GPATCH2: variants seen among roughly 807,000 people sequenced by gnomAD.
The protein encoded by GPATCH2 is G patch domain-containing protein 2.
In GPATCH2, 51 loss-of-function variants were observed where a neutral mutation model predicts 58.0. That is an observed-to-expected ratio of 0.88 (90% CI 0.70 to 1.11). The LOEUF (loss-of-function observed/expected upper bound fraction) is 1.11, where lower values mean the gene tolerates loss of function less well. GPATCH2 is among the 50% of genes most tolerant of loss of function. GPATCH2 has a pLI of 0.00. For synonymous variants in GPATCH2, 222 were observed against 218.5 expected, an observed-to-expected ratio of 1.02 and a Z score of -0.14; for missense variants, 625 against 652.2, an observed-to-expected ratio of 0.96 and a Z score of 0.45.
intron 9 of GPATCH2, among the ~76,000 whole-genome samples, chr1:217,441,435 C>T (rs188164286): frequency 2.0e-5 from 3 of 152,124 alleles, no homozygotes; most frequent in Admixed American, 2.0e-4. Context: ...AGGACAAAGG[C>T]ATGGGCAAAG....
intron 5 of GPATCH2, among the ~76,000 whole-genome samples, chr1:217,562,699 G>A (rs1665987091): frequency 6.6e-6 from 1 of 151,974 alleles, no homozygotes; most frequent in Admixed American, 6.6e-5. Flanking sequence ...CAAACCACAG[G>A]GTTTGCTTAG....
chr1:217,497,919 T>A (rs1351917752), intron 7 of GPATCH2, among the ~76,000 whole-genome samples: 4 of 152,168 alleles, frequency 2.6e-5, no homozygotes, highest in Non-Finnish European at 4.4e-5. Flanking sequence ...TTTAAAAAAA[T>A]TCATCTAGAA....
intron 8 of GPATCH2, among the ~76,000 whole-genome samples, chr1:217,485,118 G>A (rs1169859006): frequency 6.6e-6 from 1 of 152,136 alleles, no homozygotes; most frequent in African/African-American, 2.4e-5. Flanking sequence ...AGGGAGTAAT[G>A]GGGTAAGACT....
At chr1:217,577,824 C>T (rs1238841669) in intron 5 of GPATCH2, among the ~76,000 whole-genome samples, 1 of 152,040 alleles carries the variant, frequency 6.6e-6, no homozygotes, top group Non-Finnish European at 1.5e-5. Flanking sequence ...CTCAGCTCAT[C>T]GCAACCTCCG....
intron 5 of GPATCH2, among the ~76,000 whole-genome samples, chr1:217,582,388 A>T (rs188703777): frequency 6.6e-6 from 1 of 152,300 alleles, no homozygotes; most frequent in East Asian, 1.9e-4. Flanking sequence ...TAAAGTCATC[A>T]TAACAGCATG....
At chr1:217,454,349 G>C (rs754673238) in intron 8 of GPATCH2, among the ~76,000 whole-genome samples, 7 of 151,954 alleles carry the variant, frequency 4.6e-5, no homozygotes, top group Non-Finnish European at 8.8e-5. Context: ...CAGCACCTTG[G>C]GAGGCTGAGG....
intron 9 of GPATCH2, among the ~76,000 whole-genome samples, chr1:217,436,566 T>C (rs140285120): frequency 8.4e-4 from 128 of 152,334 alleles, no homozygotes; most frequent in Middle Eastern, 3.4e-3. Context: ...AATATATGAA[T>C]TGCAATATTA....
chr1:217,493,821 A>G (rs113915268), intron 7 of GPATCH2, among the ~76,000 whole-genome samples: 1,532 of 152,316 alleles, frequency 0.01, 26 homozygotes, highest in African/African-American at 0.035. Flanking sequence ...CTACCTCTAC[A>G]TTAAATTAAT....
At position 217,497,538 on chromosome 1, in the gene GPATCH2, G is replaced by C. The variant is rs1365365784; in HGVS notation, c.1206+818C>G. On this transcript the variant is annotated intron_variant, in intron 7 of 9. Transcript: ENST00000366935. ...GAACTCTGGTATATGCAACAGCTGT[G>C]AACCTGCTGCTCAGCCCAAGAAATC... Among the ~76,000 whole-genome samples the C allele has an allele frequency of 2.0e-5, 3 of 152,202 alleles. No individual in the cohort carries two copies. In the East Asian group the frequency reaches 5.8e-4, roughly 29 times the overall value.
chr1:217,431,485 G>C lies in GPATCH2; in HGVS notation c.1367-120C>G, dbSNP rs187338304. ...TTTGTTTTTCAACCAGGTACTAGAG[G>C]GGGTTGCGTATTCATCTTTGGATAC... is the stretch of plus-strand genomic sequence containing the variant. On this transcript the variant is annotated intron_variant, in intron 9 of 9. Coordinates refer to ENST00000366935, the MANE Select transcript of GPATCH2 (RefSeq NM_018040.5). 3 of 657,414 alleles carry C rather than the reference G, an allele frequency of 4.6e-6. No homozygotes were observed. The Admixed American group carries it at 7.5e-5, about 17-fold the overall frequency. 40.7% of individuals were successfully genotyped at this position (657,414 alleles called of 1,614,324 possible).
intron 5 of GPATCH2, among the ~76,000 whole-genome samples, chr1:217,591,224 CATATATATAATGGACATATATAAATGCAT>C (rs1161466882): frequency 2.6e-5 from 4 of 151,810 alleles, no homozygotes; most frequent in Non-Finnish European, 5.9e-5. Flanking sequence ...TATACATATG[CATATATATAATGGACATATATAAATGCAT>C]ATATATATGA....
chr1:217,482,619 A>G (rs967545612), intron 8 of GPATCH2, among the ~76,000 whole-genome samples: 2 of 152,208 alleles, frequency 1.3e-5, no homozygotes, highest in Non-Finnish European at 2.9e-5. Flanking sequence ...GGTGAGTCAC[A>G]TCACATATAG....
intron 7 of GPATCH2, 106 bp from the exon 8 acceptor site, chr1:217,491,856 G>C: frequency 2.6e-6 from 1 of 384,650 alleles, no homozygotes; most frequent in Non-Finnish European, 4.6e-6. Context: ...TCATTTATTT[G>C]CACGGCTTTT....
chr1:217,604,940 G>A (rs1013945086), intron 5 of GPATCH2, among the ~76,000 whole-genome samples: 9 of 152,038 alleles, frequency 5.9e-5, no homozygotes, highest in South Asian at 2.1e-4. Flanking sequence ...CAGGAGAATC[G>A]CCTGACCCTG....
chr1:217,429,250 G>A lies in GPATCH2; in HGVS notation c.*1895C>T, dbSNP rs1207049026. Reference sequence around the variant, plus strand: ...AGTTAAAAAAATGGCAAATTTGTAAGTAAAAAACTTGTAGAAAGTAATGAT... The same window carrying A: ...AGTTAAAAAAATGGCAAATTTGTAAATAAAAAACTTGTAGAAAGTAATGAT... On this transcript the variant is annotated 3_prime_UTR_variant, in exon 10 of 10. Coordinates refer to ENST00000366935, the MANE Select transcript of GPATCH2 (RefSeq NM_018040.5). 2.0e-5 allele frequency: 3 copies of A among 152,116 alleles called. No homozygotes were observed. The highest frequency in any genetic ancestry group is 4.4e-5 in the Non-Finnish European group (3 of 68,002). 9.4% of individuals were successfully genotyped at this position (152,116 alleles called of 1,614,324 possible).
chr1:217,608,439 A>G, intron 5 of GPATCH2: 1 of 985,056 alleles, frequency 1.0e-6, no homozygotes, highest in Non-Finnish European at 1.2e-6. Flanking sequence ...TTAGAGAGGG[A>G]AAGCAGCTTT....
At chr1:217,505,241 T>C (rs1662493472) in intron 6 of GPATCH2, among the ~76,000 whole-genome samples, 1 of 152,220 alleles carries the variant, frequency 6.6e-6, no homozygotes, top group Non-Finnish European at 1.5e-5. Context: ...GCGTGGCATA[T>C]TATTTCATTT....
intron 5 of GPATCH2, chr1:217,608,499 T>A (rs1243759035): frequency 1.0e-6 from 1 of 984,904 alleles, no homozygotes; most frequent in African/African-American, 1.7e-5. Context: ...AGCCTATCAG[T>A]TGTAATAGCT....
rs189258796 is a variant in GPATCH2 at position 217,432,748 on chromosome 1, A to G, written c.1367-1383T>C. Among the ~76,000 whole-genome samples the G allele has an allele frequency of 6.6e-5, 10 of 150,640 alleles. No individual in the cohort carries two copies. The East Asian group carries it at 1.4e-3, about 21-fold the overall frequency. ...ACAAACTAATATTGCAGTCTTTGAG[A>G]AAAAAAAAGAGAGATGAAAGTCTAT... On this transcript the variant is annotated intron_variant, in intron 9 of 9. Transcript: ENST00000366935.
Sources: gnomAD v4.1 joint callset for allele counts (sites outside exome capture counted in the v4.1 genomes callset) on GRCh38, gnomAD v4.1.1 for gene constraint, MANE v1.5 for transcripts, NCBI Gene and HGNC (gene_info 2026-07-23, HGNC 2026-07-21) for gene names.